Variants in NRG1 observed in about 807,000 individuals in gnomAD.
The protein encoded by NRG1 is neuregulin 1, also known as pro-neuregulin-1, membrane-bound isoform.
In NRG1, 18 loss-of-function variants were observed where a neutral mutation model predicts 63.8. That is an observed-to-expected ratio of 0.28 (90% CI 0.19 to 0.42). The LOEUF is 0.42. Ranked by LOEUF, NRG1 falls within the 10% of genes least tolerant of loss-of-function variation. The pLI, the probability that NRG1 is intolerant of heterozygous loss-of-function variation, is 1.00. For synonymous variants in NRG1, 302 were observed against 301.3 expected (o/e 1.00, Z -0.02); for missense variants, 762 against 814.7 (o/e 0.94, Z 0.79).
chr8:31,864,467 T>G (rs1828768362), intron 1 of NRG1, among the ~76,000 whole-genome samples: 1 of 152,024 alleles, frequency 6.6e-6, no homozygotes. Context: ...AACTGAAATC[T>G]GAAGAACCAG....
chr8:31,934,851 C>T (rs532523384), intron 1 of NRG1, among the ~76,000 whole-genome samples: 1 of 152,256 alleles, frequency 6.6e-6, no homozygotes, highest in South Asian at 2.1e-4. Context: ...CACTGACATA[C>T]TAAGCACTTA....
chr8:32,292,558 A>T (rs542872271), intron 1 of NRG1, among the ~76,000 whole-genome samples: 218 of 151,826 alleles, frequency 1.4e-3, no homozygotes, highest in African/African-American at 5.0e-3. Context: ...CCTCTTTCTT[A>T]TTTTTCTCTC....
chr8:31,863,009 T>G (rs1297355916), intron 1 of NRG1, among the ~76,000 whole-genome samples: 1 of 152,152 alleles, frequency 6.6e-6, no homozygotes, highest in Admixed American at 6.6e-5. Context: ...TGCCATTAGC[T>G]CCAGCCATAT....
intron 1 of NRG1, among the ~76,000 whole-genome samples, chr8:31,743,344 G>T (rs1394081894): frequency 6.6e-6 from 1 of 151,904 alleles, no homozygotes; most frequent in Admixed American, 6.6e-5. Flanking sequence ...CCTATTGTAT[G>T]ACTGCACTGT....
intron 1 of NRG1, chr8:32,061,866 C>A (rs1823935321): frequency 6.6e-6 from 1 of 151,958 alleles, no homozygotes; most frequent in Admixed American, 6.6e-5. Context: ...TTTGTTGCGT[C>A]ATATTAAAAT....
At position 32,530,269 on chromosome 8, in the gene NRG1, G is replaced by A. The variant is rs566566218; in HGVS notation, c.38-65559G>A. Among the ~76,000 whole-genome samples the A allele has an allele frequency of 4.6e-5, 7 of 152,100 alleles. No homozygotes were observed. The South Asian group carries it at 1.0e-3, about 23-fold the overall frequency. On this transcript the variant is annotated intron_variant, in intron 1 of 10. Coordinates refer to the NRG1 transcript ENST00000519301. ...ACTACAGGTGCCCGCCACCACGCCC[G>A]GCTAATTTTTTGTATTATTTGTAGA...
chr8:32,717,739 T>A (rs1819609575), intron 5 of NRG1, among the ~76,000 whole-genome samples: 1 of 152,106 alleles, frequency 6.6e-6, no homozygotes, highest in Non-Finnish European at 1.5e-5. Context: ...GTCTGGGGTT[T>A]TAGAGAGGCG....
intron 1 of NRG1, among the ~76,000 whole-genome samples, chr8:32,571,994 A>G (rs1002854803): frequency 2.0e-5 from 3 of 152,152 alleles, no homozygotes; most frequent in African/African-American, 7.2e-5. Flanking sequence ...GTTTATTGCT[A>G]GCTTTTTGTC....
chr8:32,647,935 CAG>C, intron 5 of NRG1: 1 of 1,614,188 alleles, frequency 6.2e-7, no homozygotes, highest in Non-Finnish European at 8.5e-7. Flanking sequence ...TGCCTCAACT[CAG>C]AGAAAATCTG....
At chr8:32,314,806 C>T (rs1325924552) in intron 1 of NRG1, among the ~76,000 whole-genome samples, 3 of 152,178 alleles carry the variant, frequency 2.0e-5, no homozygotes, top group Non-Finnish European at 2.9e-5. Flanking sequence ...TGCATTTCCA[C>T]CCCAGCCTCT....
intron 1 of NRG1, among the ~76,000 whole-genome samples, chr8:31,654,741 C>T (rs1381250523): frequency 6.6e-6 from 1 of 152,126 alleles, no homozygotes; most frequent in African/African-American, 2.4e-5. Flanking sequence ...AGTCTGAGAC[C>T]AGCTTGGGAA....
chr8:31,963,046 T>A (rs1322646006), intron 1 of NRG1, among the ~76,000 whole-genome samples: 1 of 152,210 alleles, frequency 6.6e-6, no homozygotes, highest in African/African-American at 2.4e-5. Flanking sequence ...TGCCTTGTAA[T>A]TTGACTTGGA....
chr8:31,672,205 G>A (rs1426998163), intron 1 of NRG1, among the ~76,000 whole-genome samples: 1 of 152,020 alleles, frequency 6.6e-6, no homozygotes, highest in Non-Finnish European at 1.5e-5. Context: ...ACCTCAGCAA[G>A]CCTAATGTAT....
chr8:32,393,970 T>G (rs992800276), intron 1 of NRG1, among the ~76,000 whole-genome samples: 1 of 152,218 alleles, frequency 6.6e-6, no homozygotes, highest in South Asian at 2.1e-4. Context: ...AGCTATTTTA[T>G]ATTCCTCCCA....
chr8:32,154,762 A>G (rs1035951584), intron 1 of NRG1, among the ~76,000 whole-genome samples: 1 of 152,218 alleles, frequency 6.6e-6, no homozygotes, highest in Admixed American at 6.5e-5. Context: ...GTTCCATGAT[A>G]AAAACCAGCA....
intron 1 of NRG1, among the ~76,000 whole-genome samples, chr8:32,590,796 T>C (rs973837958): frequency 6.6e-6 from 1 of 152,150 alleles, no homozygotes; most frequent in African/African-American, 2.4e-5. Flanking sequence ...CTGTTGAAAA[T>C]TGACTCATTA....
chr8:32,048,446 CATATATATATATAT>C (rs869311093), intron 1 of NRG1, among the ~76,000 whole-genome samples: 5 of 6,712 alleles, frequency 7.4e-4, no homozygotes, highest in Non-Finnish European at 0.013. Flanking sequence ...TATATACATA[CATATATATATATAT>C]ATATATATAT....
chr8:31,831,035 C>G (rs1825103772), intron 1 of NRG1, among the ~76,000 whole-genome samples: 1 of 151,946 alleles, frequency 6.6e-6, no homozygotes. Flanking sequence ...CAGTCAAAAA[C>G]TAATTAAATG....
intron 1 of NRG1, among the ~76,000 whole-genome samples, chr8:32,337,227 T>A (rs1288694969): frequency 6.6e-6 from 1 of 152,028 alleles, no homozygotes; most frequent in East Asian, 1.9e-4. Flanking sequence ...CCCAAGCTGG[T>A]CTTGAACTCC....
Sources: gnomAD v4.1 joint callset for allele counts (sites outside exome capture counted in the v4.1 genomes callset) on GRCh38, gnomAD v4.1.1 for gene constraint, MANE v1.5 for transcripts, NCBI Gene and HGNC (gene_info 2026-07-23, HGNC 2026-07-21) for gene names.